Variants in RAD54B observed in about 807,000 individuals in gnomAD.
RAD54B encodes DNA repair and recombination protein RAD54B.
Under a neutral mutation model 95.8 loss-of-function variants are expected in RAD54B, and 78 were observed. That is an observed-to-expected ratio of 0.81 (90% CI 0.68 to 0.98). The LOEUF (loss-of-function observed/expected upper bound fraction) is 0.98, where lower values mean the gene tolerates loss of function less well. Ranked by LOEUF, RAD54B falls within the 50% of genes least tolerant of loss-of-function variation. RAD54B has a pLI of 0.00. For synonymous variants in RAD54B, 328 were observed against 354.9 expected, an observed-to-expected ratio of 0.92 and a Z score of 0.85; for missense variants, 957 against 1,056.6, an observed-to-expected ratio of 0.91 and a Z score of 1.31.
chr8:94,419,204 G>A (rs1000428523), intron 3 of RAD54B, among the ~76,000 whole-genome samples: 2 of 152,106 alleles, frequency 1.3e-5, no homozygotes, highest in African/African-American at 4.8e-5. Context: ...CAATTAGTAA[G>A]AACTGTTAAA....
At chr8:94,388,079 G>A (rs114507150) in intron 10 of RAD54B, among the ~76,000 whole-genome samples, 406 of 152,224 alleles carry the variant, frequency 2.7e-3, no homozygotes, top group African/African-American at 9.3e-3. Context: ...TAACCTTTAT[G>A]GTTACACAGT....
intron 3 of RAD54B, among the ~76,000 whole-genome samples, chr8:94,414,208 A>C (rs752160751): frequency 2.0e-5 from 3 of 152,216 alleles, no homozygotes; most frequent in Non-Finnish European, 4.4e-5. Flanking sequence ...GTTGCTTATC[A>C]GCTTAAGGAG....
intron 2 of RAD54B, among the ~76,000 whole-genome samples, chr8:94,464,333 C>T (rs191914554): frequency 1.1e-3 from 163 of 152,224 alleles, no homozygotes; most frequent in Non-Finnish European, 1.7e-3. Flanking sequence ...AGAAGGGGAC[C>T]ATGAGCCAAG....
At chr8:94,386,501 T>G (rs979690771) in intron 11 of RAD54B, among the ~76,000 whole-genome samples, 3 of 152,168 alleles carry the variant, frequency 2.0e-5, no homozygotes, top group Non-Finnish European at 2.9e-5. Flanking sequence ...GTTTCAATAT[T>G]ATATGTGTTT....
intron 4 of RAD54B, among the ~76,000 whole-genome samples, chr8:94,409,345 G>A (rs1811471788): frequency 6.6e-6 from 1 of 151,598 alleles, no homozygotes; most frequent in Admixed American, 6.6e-5. Context: ...AAAGGTCAGA[G>A]TCTGGGCATC....
intron 4 of RAD54B, among the ~76,000 whole-genome samples, chr8:94,408,332 A>G (rs1444935346): frequency 6.6e-6 from 1 of 152,152 alleles, no homozygotes; most frequent in Non-Finnish European, 1.5e-5. Flanking sequence ...CTGATGAAAT[A>G]TAAGTATGGA....
chr8:94,460,726 C>CATTAGA, intron 2 of RAD54B, among the ~76,000 whole-genome samples: 1 of 151,878 alleles, frequency 6.6e-6, no homozygotes, highest in African/African-American at 2.4e-5. Context: ...GGCTGAGTTC[C>CATTAGA]TTTCTGGATG....
At chr8:94,443,659 C>T (rs1451495309) in intron 3 of RAD54B, among the ~76,000 whole-genome samples, 1 of 151,950 alleles carries the variant, frequency 6.6e-6, no homozygotes, top group Admixed American at 6.6e-5. Flanking sequence ...TAGAGCCTCA[C>T]AAAAATGTAA....
At chr8:94,462,071 GC>G (rs1812919110) in intron 2 of RAD54B, among the ~76,000 whole-genome samples, 2 of 151,940 alleles carry the variant, frequency 1.3e-5, no homozygotes, top group Admixed American at 6.6e-5. Flanking sequence ...TCAAAATAAG[GC>G]CAGTTATTTT....
At chr8:94,391,962 T>C (rs993639725) in intron 9 of RAD54B, 63 bp from the exon 10 acceptor site, 9 of 1,381,878 alleles carry the variant, frequency 6.5e-6, no homozygotes, top group Non-Finnish European at 7.9e-6. Flanking sequence ...AAAATGAACA[T>C]TAAAGATTTC....
intron 3 of RAD54B, among the ~76,000 whole-genome samples, chr8:94,425,229 CTTTTTTT>C (rs34018801): frequency 1.7e-5 from 2 of 114,942 alleles, no homozygotes; most frequent in Non-Finnish European, 3.6e-5. Flanking sequence ...CTTTAATATT[CTTTTTTT>C]TTTTTTTTTT....
intron 11 of RAD54B, among the ~76,000 whole-genome samples, chr8:94,385,094 C>A (rs1034233775): frequency 1.3e-4 from 20 of 152,106 alleles, no homozygotes; most frequent in Admixed American, 4.6e-4. Context: ...CAGAGTGAGA[C>A]CCTATCTCAA....
chr8:94,421,768 T>C (rs1226944658), intron 3 of RAD54B, among the ~76,000 whole-genome samples: 2 of 152,226 alleles, frequency 1.3e-5, no homozygotes, highest in African/African-American at 4.8e-5. Context: ...TATTGTATCC[T>C]TCTCCATTGC....
At chr8:94,442,369 A>G (rs375933873) in intron 3 of RAD54B, among the ~76,000 whole-genome samples, 6,878 of 152,036 alleles carry the variant, frequency 0.045, 492 homozygotes, top group African/African-American at 0.15. Flanking sequence ...GTCAGGAATC[A>G]AGACCATCCT....
At chr8:94,467,800 G>C in intron 1 of RAD54B, 1 of 299,192 alleles carries the variant, frequency 3.3e-6, no homozygotes, top group Non-Finnish European at 6.2e-6. Flanking sequence ...TAAAATAATG[G>C]TGAGGGAAGT....
intron 3 of RAD54B, among the ~76,000 whole-genome samples, chr8:94,453,203 G>A (rs1046856171): frequency 6.6e-6 from 1 of 152,108 alleles, no homozygotes; most frequent in African/African-American, 2.4e-5. Flanking sequence ...AGTACATTTG[G>A]CACATCCACA....
chr8:94,431,362 G>C, intron 3 of RAD54B: 1 of 984,674 alleles, frequency 1.0e-6, no homozygotes, highest in Non-Finnish European at 1.2e-6. Context: ...CAAAAATAGA[G>C]AGAGAATGGG....
chr8:94,377,975 CAAAAAAAAAAA>C (rs59955111), intron 14 of RAD54B, among the ~76,000 whole-genome samples, 194 bp downstream of exon 14: 2 of 77,156 alleles, frequency 2.6e-5, no homozygotes, highest in African/African-American at 9.7e-5. Context: ...GACTCCGTCT[CAAAAAAAAAAA>C]AAAAAAAAAA....
intron 6 of RAD54B, among the ~76,000 whole-genome samples, chr8:94,400,715 T>G (rs906537253): frequency 9.9e-5 from 15 of 152,178 alleles, no homozygotes; most frequent in Non-Finnish European, 1.8e-4. Flanking sequence ...ATGTACATAT[T>G]TAGAGGCTAG....
Sources: gnomAD v4.1 joint callset for allele counts (sites outside exome capture counted in the v4.1 genomes callset) on GRCh38, gnomAD v4.1.1 for gene constraint, MANE v1.5 for transcripts, NCBI Gene and HGNC (gene_info 2026-07-23, HGNC 2026-07-21) for gene names.